Variants in GLB1L2 observed in about 807,000 individuals in gnomAD.
GLB1L2 encodes beta-galactosidase-1-like protein 2.
In GLB1L2, 68 loss-of-function variants were observed where a neutral mutation model predicts 84.1. The observed-to-expected ratio is 0.81, with a 90% CI of 0.67 to 0.99. The LOEUF (loss-of-function observed/expected upper bound fraction) is 0.99. GLB1L2 is among the 50% of genes least tolerant of loss of function. The pLI is 0.00. For synonymous variants in GLB1L2, 290 were observed against 318.0 expected (o/e 0.91, Z 0.94); for missense variants, 762 against 805.6 (o/e 0.95, Z 0.66).
At chr11:134,362,224 T>C (rs1298684509) in intron 7 of GLB1L2, among the ~76,000 whole-genome samples, 1 of 152,194 alleles carries the variant, frequency 6.6e-6, no homozygotes, top group African/African-American at 2.4e-5. Context: ...TTGAATGTAT[T>C]TCTCTTCTCA....
At chr11:134,332,229 C>G (rs761866523) in intron 1 of GLB1L2, 82 bp downstream of exon 1, 19 of 995,000 alleles carry the variant, frequency 1.9e-5, no homozygotes, top group Non-Finnish European at 2.6e-5. Context: ...TCCCGCGACC[C>G]GCGAATCCCG....
Position 134,363,990 on chromosome 11 carries a change from A to G in GLB1L2, c.734-338A>G, listed in dbSNP as rs528915168. Among the ~76,000 whole-genome samples, 7 of 152,162 alleles carry G rather than the reference A, an allele frequency of 4.6e-5. No homozygotes were observed. The South Asian group carries it at 1.5e-3, about 32-fold the overall frequency. ...CCTCTTGGGTTCAAGTGATCCTCCC[A>G]CCTCAGCCTCCCAAGTAGTTGGGAT... On this transcript the variant is annotated intron_variant, in intron 7 of 18. Coordinates refer to ENST00000535456, the MANE Select transcript of GLB1L2 (RefSeq NM_001370461.1).
rs371254619 is a variant in GLB1L2, at chr11:134,362,459, T to G, written c.734-1869T>G. 3.7e-4 allele frequency among the ~76,000 whole-genome samples: 57 copies of G among 152,280 alleles called. No homozygotes were observed. The East Asian group carries it at 0.01, about 27-fold the overall frequency. ...TAGGAAAGAGGCTCTCGGCTGCCAC[T>G]CGGAGCGCCGGGTGTGGGAGAGGCT... On this transcript the variant is annotated intron_variant, in intron 7 of 18. Transcript: ENST00000535456.
chr11:134,356,968 T>C (rs78338710), intron 6 of GLB1L2, among the ~76,000 whole-genome samples: 7,617 of 152,318 alleles, frequency 0.05, 374 homozygotes, highest in African/African-American at 0.13. Context: ...GAGTTTTTTC[T>C]AAACCTCCTT....
At chr11:134,371,184 G>C in intron 13 of GLB1L2, 36 bp downstream of exon 13, 1 of 1,612,478 alleles carries the variant, frequency 6.2e-7, no homozygotes, top group South Asian at 1.1e-5. Flanking sequence ...GTGACCTTCT[G>C]GTGAGCAGCT....
intron 10 of GLB1L2, 107 bp downstream of exon 10, chr11:134,368,888 G>A (rs1943902442): frequency 8.6e-7 from 1 of 1,169,424 alleles, no homozygotes; most frequent in Non-Finnish European, 1.2e-6. Flanking sequence ...TCGTGTCTTT[G>A]GCAATAGAGT....
At chr11:134,374,289 C>G in intron 17 of GLB1L2, 33 bp downstream of exon 17, 1 of 1,482,828 alleles carries the variant, frequency 6.7e-7, no homozygotes, top group Non-Finnish European at 9.4e-7. Context: ...CCAGTTTCTC[C>G]CACCTGCCTC....
rs2136257757 is a variant in GLB1L2, at chr11:134,338,470, C to A, written c.87-4284C>A. ...CAGAAAGAGGTGGTGACCTTGCCACCTGCTCATCTGCCCTTTTCCATCCAC... is the reference window on the plus strand; with the variant it reads ...CAGAAAGAGGTGGTGACCTTGCCACATGCTCATCTGCCCTTTTCCATCCAC... On this transcript the variant is annotated intron_variant, in intron 1 of 18. Transcript: ENST00000535456. This position sits in a 1 kb window ranked among gnomAD's most constrained non-coding sequence, Gnocchi z 6.2. Among the ~76,000 whole-genome samples the A allele has an allele frequency of 6.6e-6, 1 of 152,292 alleles. No individual in the cohort carries two copies. Among genetic ancestry groups the A allele is most frequent in the African/African-American group, 2.4e-5 (1 of 41,542 alleles).
intron 1 of GLB1L2, among the ~76,000 whole-genome samples, chr11:134,335,019 A>G (rs561150582): frequency 6.6e-6 from 1 of 152,292 alleles, no homozygotes; most frequent in African/African-American, 2.4e-5. Flanking sequence ...TAGCTGGGAA[A>G]GTTGGGAGAG....
intron 9 of GLB1L2, among the ~76,000 whole-genome samples, 200 bp downstream of exon 9, chr11:134,367,541 C>T (rs1200743432): frequency 6.6e-6 from 1 of 152,142 alleles, no homozygotes; most frequent in Non-Finnish European, 1.5e-5. Context: ...ATTGCTTGTT[C>T]GTGTTTTTGT....
intron 8 of GLB1L2, 49 bp downstream of exon 8, chr11:134,364,447 T>C (rs750784757): frequency 7.6e-6 from 11 of 1,448,058 alleles, no homozygotes; most frequent in Middle Eastern, 1.8e-4. Flanking sequence ...CAGCGGCCTA[T>C]GGGAATTCTG....
At chr11:134,369,392 G>C (rs141675518) in intron 10 of GLB1L2, among the ~76,000 whole-genome samples, 2 of 152,040 alleles carry the variant, frequency 1.3e-5, no homozygotes, top group Admixed American at 1.3e-4. Context: ...TGGGGGTCTC[G>C]CTATGTTGCC....
chr11:134,374,697 G>A lies in GLB1L2; in HGVS notation c.1803G>A (p.Trp601Ter). Residue 601 changes from tryptophan to a stop codon, truncating the protein, a stop_gained, in exon 18 of 19, where the codon TGG becomes TGA. Transcript: ENST00000535456. LOFTEE classifies it high-confidence loss of function. Reference protein sequence around the residue: ...PQKTLYLPGPWLSSGINQVIV... With the variant: ...PQKTLYLPGP ...AGACGCTTTACCTCCCAGGTCCCTGGTTGAGCAGCGGAATCAACCAGGTGG... is the reference window on the plus strand; with the variant it reads ...AGACGCTTTACCTCCCAGGTCCCTGATTGAGCAGCGGAATCAACCAGGTGG... 1.2e-6 allele frequency: 2 copies of A among 1,613,804 alleles called. No individual in the cohort carries two copies. The highest frequency in any genetic ancestry group is 1.7e-6 in the Non-Finnish European group (2 of 1,179,786).
chr11:134,368,669 T>G lies in GLB1L2; in HGVS notation c.915T>G (p.Ile305Met), dbSNP rs199527684. The change falls in exon 10 of 19, where the codon ATT becomes ATG. Residue 305 changes from isoleucine to methionine, a missense_variant. Ile to Met is a conservative substitution (Grantham distance 10, BLOSUM62 1). Coordinates refer to ENST00000535456, the MANE Select transcript of GLB1L2 (RefSeq NM_001370461.1). ...AGGTTTTGAAAACCGTGTCTGCCAT[T>G]GTGGACGCCGGCTCCTCCATCAACC... The part of the protein sequence containing the change: ...SSEVLKTVSA[I>M]VDAGSSINLY... 7 of 1,613,866 alleles carry G rather than the reference T, an allele frequency of 4.3e-6. No individual in the cohort carries two copies. Among genetic ancestry groups the G allele is most frequent in the Non-Finnish European group, 5.9e-6 (7 of 1,179,958 alleles).
In GLB1L2 at chr11:134,334,424, T is replaced by C. The variant is rs1943350494; in HGVS notation, c.86+2277T>C. On this transcript the variant is annotated intron_variant, in intron 1 of 18. Transcript: ENST00000535456. This position sits in a 1 kb window ranked among gnomAD's most constrained non-coding sequence, Gnocchi z 4.1. ...ATATCAAAAGACTAGGATGACCAGG[T>C]TGACTTTTGGGGAGGATTTCAGTCT... 6.6e-6 allele frequency among the ~76,000 whole-genome samples: 1 copy of C among 152,180 alleles called. No individual in the cohort carries two copies. The highest frequency in any genetic ancestry group is 1.9e-4 in the East Asian group (1 of 5,202).
At position 134,370,274 on chromosome 11, in the gene GLB1L2, C is replaced by G. The variant is rs1279290538; in HGVS notation, c.1109-19C>G. 1 of 1,605,496 alleles carries G rather than the reference C, an allele frequency of 6.2e-7. No homozygotes were observed. Among genetic ancestry groups the G allele is most frequent in the Non-Finnish European group, 8.5e-7 (1 of 1,172,366 alleles). On this transcript the variant is annotated intron_variant, in intron 11 of 18. Coordinates refer to ENST00000535456, the MANE Select transcript of GLB1L2 (RefSeq NM_001370461.1). The surrounding 1 kb of genome is among the most constrained non-coding windows in gnomAD (Gnocchi z 4.7). ...GACATTTGGGTCCGTTGGGGGTGAC[C>G]CTGTTTTCTGTGTTGCAGGCATCCC...
intron 15 of GLB1L2, 35 bp downstream of exon 15, chr11:134,371,865 A>G (rs2136289964): frequency 1.3e-5 from 21 of 1,593,612 alleles, no homozygotes; most frequent in Non-Finnish European, 1.8e-5. Flanking sequence ...AAGAGTGGCC[A>G]TGCTGGACAC....
rs997561515 is a variant in GLB1L2, at chr11:134,364,562, C to A, written c.804+164C>A. The A allele has an allele frequency of 6.5e-6, 4 of 619,078 alleles. No individual in the cohort carries two copies. In the African/African-American group the frequency reaches 7.3e-5, roughly 11 times the overall value. The allele number at this position is 619,078 out of a possible 1,614,324, so 38.3% of individuals were successfully genotyped here. ...CACTGTGTGCCTGCAAGGCCCGCTG[C>A]CCAGAAACACCTCTGAGGGCTGCTG... is the stretch of plus-strand genomic sequence containing the variant. On this transcript the variant is annotated intron_variant, in intron 8 of 18. Transcript: ENST00000535456.
intron 2 of GLB1L2, among the ~76,000 whole-genome samples, chr11:134,343,737 C>T (rs536043859): frequency 2.3e-4 from 35 of 152,304 alleles, no homozygotes; most frequent in African/African-American, 7.7e-4. Context: ...CACTCTGACT[C>T]GCAGAAGCAG....
Sources: allele counts gnomAD v4.1 joint callset (sites outside exome capture counted in the v4.1 genomes callset), GRCh38; gene constraint gnomAD v4.1.1; non-coding constraint Gnocchi (gnomAD v3.1); transcripts MANE v1.5; gene names NCBI Gene and HGNC (gene_info 2026-07-23, HGNC 2026-07-21).